The following CACNA2D3 variants were observed in gnomAD, a reference collection of about 807,000 sequenced individuals.
The protein encoded by CACNA2D3 is voltage-dependent calcium channel subunit alpha-2/delta-3.
A neutral mutation model predicts 160.6 loss-of-function variants in CACNA2D3; 60 were observed. That is an observed-to-expected ratio of 0.37 (90% CI 0.30 to 0.46). CACNA2D3 has a LOEUF of 0.46. Ranked by LOEUF, CACNA2D3 falls within the 20% of genes least tolerant of loss-of-function variation. The pLI is 1.00. For missense variants in CACNA2D3, 1,205 were observed against 1,365.0 expected, an observed-to-expected ratio of 0.88 and a Z score of 1.85; for synonymous variants, 558 against 492.9, an observed-to-expected ratio of 1.13 and a Z score of -1.75.
chr3:54,334,031 G>A (rs1704323699), intron 3 of CACNA2D3, among the ~76,000 whole-genome samples: 1 of 152,210 alleles, frequency 6.6e-6, no homozygotes, highest in South Asian at 2.1e-4. Flanking sequence ...ACTTCCTCTT[G>A]TAGAAGTGGA....
chr3:54,801,284 G>A (rs997666970), intron 13 of CACNA2D3, among the ~76,000 whole-genome samples: 14 of 152,186 alleles, frequency 9.2e-5, no homozygotes, highest in South Asian at 2.1e-4. Context: ...CATCATGCCC[G>A]GCCTGGAATA....
chr3:54,487,730 CTGT>C (rs1285873517), intron 4 of CACNA2D3, among the ~76,000 whole-genome samples: 1 of 152,140 alleles, frequency 6.6e-6, no homozygotes, highest in Non-Finnish European at 1.5e-5. Context: ...GGGCATGGGC[CTGT>C]TGTTCAGTAT....
chr3:54,771,591 T>C (rs1401488444), intron 13 of CACNA2D3, among the ~76,000 whole-genome samples: 1 of 152,220 alleles, frequency 6.6e-6, no homozygotes, highest in East Asian at 1.9e-4. Context: ...TTCCTTGCCA[T>C]GTGGCCCCTG....
chr3:54,825,553 TG>T (rs1448666979), intron 14 of CACNA2D3, among the ~76,000 whole-genome samples: 1 of 152,196 alleles, frequency 6.6e-6, no homozygotes, highest in Non-Finnish European at 1.5e-5. Flanking sequence ...CTTGACACAC[TG>T]GATGTTTCCT....
rs535469945 is a variant in CACNA2D3, at chr3:54,822,775, TTTC to T, written c.1398+5908_1398+5910del. Among the ~76,000 whole-genome samples, 698 of 92,888 alleles carry T rather than the reference TTTC, an allele frequency of 7.5e-3. 15 individuals are homozygous for T. The highest frequency in any genetic ancestry group is 9.0e-3 in the Non-Finnish European group (417 of 46,336). The allele number at this position is 92,888 out of a possible 152,430, so 60.9% of individuals were successfully genotyped here. ...CTTTCTTTCTTTCTTTCTTTCTTTCTTTCTTTCTTTCTTTCCTTTCTTTCTTTC... is the reference window on the plus strand; with the variant it reads ...CTTTCTTTCTTTCTTTCTTTCTTTCTTTTCTTTCTTTCCTTTCTTTCTTTC... On this transcript the variant is annotated intron_variant, in intron 14 of 37. Transcript: ENST00000474759.
intron 3 of CACNA2D3, among the ~76,000 whole-genome samples, chr3:54,343,095 T>C (rs1420342042): frequency 6.6e-6 from 1 of 152,194 alleles, no homozygotes; most frequent in Non-Finnish European, 1.5e-5. Flanking sequence ...GAAACAGATT[T>C]ATTGCATTAA....
At chr3:54,638,347 C>T (rs923728986) in intron 10 of CACNA2D3, 1 of 151,958 alleles carries the variant, frequency 6.6e-6, no homozygotes, top group Non-Finnish European at 1.5e-5. Context: ...GGAGCATTAA[C>T]CTTGACTATG....
At chr3:54,233,770 G>A (rs9878916) in intron 2 of CACNA2D3, among the ~76,000 whole-genome samples, 62,952 of 152,032 alleles carry the variant, frequency 0.41, 14,137 homozygotes, top group East Asian at 0.6. Flanking sequence ...ATCCTTAAGC[G>A]TGGAGGGTTT....
intron 11 of CACNA2D3, among the ~76,000 whole-genome samples, chr3:54,720,068 A>G (rs1701141682): frequency 6.6e-6 from 1 of 151,738 alleles, no homozygotes; most frequent in African/African-American, 2.4e-5. Flanking sequence ...GGATTTATCA[A>G]TTTTATGGAT....
intron 11 of CACNA2D3, among the ~76,000 whole-genome samples, chr3:54,717,666 A>G (rs1204309800): frequency 9.4e-6 from 1 of 106,170 alleles, no homozygotes; most frequent in Non-Finnish European, 1.9e-5. Context: ...GTGTGTATGC[A>G]TGTGTGGTGT....
intron 5 of CACNA2D3, among the ~76,000 whole-genome samples, chr3:54,546,147 G>A (rs1236699140): frequency 2.6e-5 from 4 of 152,202 alleles, no homozygotes; most frequent in Admixed American, 6.5e-5. Context: ...CAGGGGTCGG[G>A]GGAAGGGCCT....
chr3:54,453,156 T>G (rs1232768604), intron 4 of CACNA2D3, among the ~76,000 whole-genome samples: 1 of 152,078 alleles, frequency 6.6e-6, no homozygotes, highest in Non-Finnish European at 1.5e-5. Flanking sequence ...CACACCCAGC[T>G]AATTTTTTGT....
intron 3 of CACNA2D3, among the ~76,000 whole-genome samples, chr3:54,359,867 A>C (rs1321916523): frequency 6.6e-6 from 1 of 152,194 alleles, no homozygotes; most frequent in African/African-American, 2.4e-5. Flanking sequence ...GCACTTCTCC[A>C]CTTCATGGGG....
intron 17 of CACNA2D3, among the ~76,000 whole-genome samples, chr3:54,859,971 T>C (rs1488195307): frequency 1.6e-5 from 1 of 61,174 alleles, no homozygotes; most frequent in African/African-American, 9.5e-5. Flanking sequence ...GGAAAGTAGA[T>C]GCACACACAC....
At chr3:54,221,366 T>C (rs1701566857) in intron 2 of CACNA2D3, among the ~76,000 whole-genome samples, 1 of 152,268 alleles carries the variant, frequency 6.6e-6, no homozygotes, top group African/African-American at 2.4e-5. Context: ...TTATAGTTTA[T>C]TCTACTTTGG....
chr3:54,835,045 C>A (rs531937653), intron 14 of CACNA2D3, among the ~76,000 whole-genome samples: 1 of 152,308 alleles, frequency 6.6e-6, no homozygotes, highest in East Asian at 1.9e-4. Context: ...TCTAGACTGG[C>A]AGTTGCTCAA....
At chr3:54,405,111 A>G (rs975951702) in intron 4 of CACNA2D3, among the ~76,000 whole-genome samples, 28 of 151,796 alleles carry the variant, frequency 1.8e-4, no homozygotes, top group African/African-American at 5.6e-4. Flanking sequence ...ATACTATACT[A>G]TACTATACTG....
rs141733852 is a variant in CACNA2D3 at position 54,595,981 on chromosome 3, T to G, written c.963+14104T>G. On this transcript the variant is annotated intron_variant, in intron 9 of 37. Coordinates refer to ENST00000474759, the MANE Select transcript of CACNA2D3 (RefSeq NM_018398.3). Reference sequence around the variant, plus strand: ...CCACTCAGAGCCCATTTACTCTTACTTGGCATACAATTTTAACCAATTTGG... The same window carrying G: ...CCACTCAGAGCCCATTTACTCTTACGTGGCATACAATTTTAACCAATTTGG... Among the ~76,000 whole-genome samples, 9 of 152,250 alleles carry G rather than the reference T, an allele frequency of 5.9e-5. No individual in the cohort carries two copies. In the East Asian group the frequency reaches 1.7e-3, roughly 29 times the overall value.
At chr3:54,526,453 C>A (rs1396159176) in intron 5 of CACNA2D3, among the ~76,000 whole-genome samples, 3 of 152,088 alleles carry the variant, frequency 2.0e-5, no homozygotes, top group Non-Finnish European at 4.4e-5. Context: ...ATTTTAGCAA[C>A]CCTGGGTACT....
Sources: gnomAD v4.1 joint callset for allele counts (sites outside exome capture counted in the v4.1 genomes callset) on GRCh38, gnomAD v4.1.1 for gene constraint, MANE v1.5 for transcripts, NCBI Gene and HGNC (gene_info 2026-07-23, HGNC 2026-07-21) for gene names.